The following IKZF2 variants were observed in gnomAD, a reference collection of about 807,000 sequenced individuals.
IKZF2 encodes the protein IKAROS family zinc finger 2, also known as zinc finger protein Helios.
IKZF2 carries 15 observed loss-of-function variants against 49.2 expected under a neutral mutation model. The observed-to-expected ratio is 0.30, with a 90% CI of 0.20 to 0.47. The LOEUF is 0.47. Among genes scored for constraint, IKZF2 ranks in the 20% least tolerant of loss-of-function variants. IKZF2 has a pLI of 1.00. For missense variants in IKZF2, 567 were observed against 664.6 expected (o/e 0.85, Z 1.61); for synonymous variants, 227 against 221.4 (o/e 1.03, Z -0.23).
intron 7 of IKZF2, among the ~76,000 whole-genome samples, chr2:213,019,920 C>G (rs1293079480): frequency 1.3e-5 from 2 of 152,188 alleles, no homozygotes; most frequent in African/African-American, 2.4e-5. Context: ...TCTAAAAGTT[C>G]AATCTGCCAA....
Position 213,124,272 on chromosome 2 carries a change from A to G in IKZF2, c.139+23436T>C, listed in dbSNP as rs1158770708. The stretch of plus-strand genomic sequence containing the variant: ...CGCGCGCACACACACACACACACAC[A>G]CACACACACACACACACACACACAC... On this transcript the variant is annotated intron_variant, in intron 4 of 8. Coordinates refer to ENST00000434687, the MANE Select transcript of IKZF2 (RefSeq NM_001387220.1). Among the ~76,000 whole-genome samples, 1,334 of 144,148 alleles carry G rather than the reference A, an allele frequency of 9.3e-3. 28 individuals are homozygous for G. The highest frequency in any genetic ancestry group is 0.027 in the African/African-American group (992 of 36,134). The allele number at this position is 144,148 out of a possible 152,430, so 94.6% of individuals were successfully genotyped here. A position where few individuals can be genotyped will look rare whatever the true frequency, so the allele number is the denominator to read the frequency against.
intron 4 of IKZF2, among the ~76,000 whole-genome samples, chr2:213,140,930 C>T (rs986683387): frequency 2.6e-5 from 4 of 151,960 alleles, no homozygotes; most frequent in African/African-American, 9.7e-5. Context: ...TATTAGTTTT[C>T]ACTAATTAGG....
intron 4 of IKZF2, among the ~76,000 whole-genome samples, chr2:213,120,835 G>A (rs1308423270): frequency 6.6e-6 from 1 of 152,072 alleles, no homozygotes; most frequent in Non-Finnish European, 1.5e-5. Flanking sequence ...CAACCTCCTG[G>A]GTTCAAGGGA....
chr2:213,105,339 G>C (rs993828512), intron 4 of IKZF2, among the ~76,000 whole-genome samples: 2 of 151,950 alleles, frequency 1.3e-5, no homozygotes, highest in Non-Finnish European at 2.9e-5. Flanking sequence ...GTTCCCAAAA[G>C]TACCTAACCT....
At chr2:213,064,328 C>T (rs987026865) in intron 4 of IKZF2, among the ~76,000 whole-genome samples, 2 of 151,910 alleles carry the variant, frequency 1.3e-5, no homozygotes, top group African/African-American at 2.4e-5. Context: ...AGATAAATCA[C>T]ACCTGTGAGT....
At chr2:213,124,252 G>GCGCGCGCGCGCACGCACA (rs1270409984) in intron 4 of IKZF2, among the ~76,000 whole-genome samples, 1 of 136,236 alleles carries the variant, frequency 7.3e-6, no homozygotes, top group Admixed American at 7.3e-5. Context: ...GCGCGCGCGC[G>GCGCGCGCGCGCACGCACA]CACACACACA....
chr2:213,040,028 T>C (rs1699458274), intron 6 of IKZF2, among the ~76,000 whole-genome samples: 1 of 152,090 alleles, frequency 6.6e-6, no homozygotes. Context: ...AAATTAAGAT[T>C]TTTAATTTTC....
chr2:213,040,277 A>G (rs1249955225), intron 6 of IKZF2, among the ~76,000 whole-genome samples: 1 of 148,498 alleles, frequency 6.7e-6, no homozygotes, highest in Non-Finnish European at 1.5e-5. Context: ...TTATTTTGTC[A>G]TCCAGGTATT....
chr2:213,036,004 T>C (rs1698986722), intron 6 of IKZF2, among the ~76,000 whole-genome samples: 1 of 151,880 alleles, frequency 6.6e-6, no homozygotes, highest in Non-Finnish European at 1.5e-5. Flanking sequence ...CAAGGTATGA[T>C]TTTTTTTGCT....
chr2:213,007,534 C>A lies in IKZF2; in HGVS notation c.1407G>T (p.Arg469Ser). Residue 469 changes from arginine to serine, a missense_variant, in exon 9 of 9, where the codon AGG becomes AGT. This residue lies in a region of IKZF2 where 22 missense variants were observed against 52.3 expected (regional missense o/e 0.42). Transcript: ENST00000434687. ...KVFNGEGEQIRAFKCEHCRVL... is the reference protein window; with the variant it reads ...KVFNGEGEQISAFKCEHCRVL... ...CTCGGCAGTGCTCACACTTGAAGGCCCTAATCTGTTCTCCTTCTCCATTGA... is the reference window on the plus strand; with the variant it reads ...CTCGGCAGTGCTCACACTTGAAGGCACTAATCTGTTCTCCTTCTCCATTGA... 1 of 1,613,682 alleles carries A rather than the reference C, an allele frequency of 6.2e-7. No homozygotes were observed. The highest frequency in any genetic ancestry group is 8.5e-7 in the Non-Finnish European group (1 of 1,179,724).
At chr2:213,038,094 T>A (rs1905170) in intron 6 of IKZF2, among the ~76,000 whole-genome samples, 1 of 151,680 alleles carries the variant, frequency 6.6e-6, no homozygotes, top group Admixed American at 6.6e-5. Flanking sequence ...AGAGTCTCAC[T>A]CTGTCACCCA....
chr2:213,075,625 A>T (rs1460582515), intron 4 of IKZF2, among the ~76,000 whole-genome samples: 1 of 152,122 alleles, frequency 6.6e-6, no homozygotes, highest in Non-Finnish European at 1.5e-5. Context: ...GGTCACACAG[A>T]AGTTTTCTTT....
intron 1 of IKZF2, 31 bp from the exon 2 acceptor site, chr2:213,150,278 G>A: frequency 1.2e-6 from 1 of 857,348 alleles, no homozygotes. Context: ...AAAGAAAGAA[G>A]TTTTTTGTGT....
At chr2:213,147,389 T>C (rs2061112495) in intron 4 of IKZF2, 3 of 535,724 alleles carry the variant, frequency 5.6e-6, no homozygotes, top group Non-Finnish European at 9.9e-6. Context: ...CGTTTCCACA[T>C]TTTTTACCCA....
chr2:213,078,415 A>C (rs531290899), intron 4 of IKZF2, among the ~76,000 whole-genome samples: 1 of 152,222 alleles, frequency 6.6e-6, no homozygotes, highest in Non-Finnish European at 1.5e-5. Context: ...GTTATATTAT[A>C]ATGTAACTCA....
At chr2:213,114,991 G>A (rs117792075) in intron 4 of IKZF2, among the ~76,000 whole-genome samples, 1 of 151,902 alleles carries the variant, frequency 6.6e-6, no homozygotes, top group Non-Finnish European at 1.5e-5. Context: ...GCAAATGCAC[G>A]TTAACCCTTA....
At chr2:213,049,181 A>G (rs773414148) in intron 6 of IKZF2, among the ~76,000 whole-genome samples, 51 of 152,060 alleles carry the variant, frequency 3.4e-4, no homozygotes, top group Admixed American at 4.6e-4. Flanking sequence ...CCCAATGACT[A>G]TTGTTTGAGA....
At chr2:213,147,036 T>C (rs1013085637) in intron 4 of IKZF2, among the ~76,000 whole-genome samples, 1 of 152,142 alleles carries the variant, frequency 6.6e-6, no homozygotes, top group East Asian at 1.9e-4. Flanking sequence ...ACTGACAGCA[T>C]GTAAGTTGCA....
intron 4 of IKZF2, among the ~76,000 whole-genome samples, chr2:213,107,236 C>T (rs2059564925): frequency 6.6e-6 from 1 of 152,204 alleles, no homozygotes; most frequent in Non-Finnish European, 1.5e-5. Flanking sequence ...AAGACCCTTT[C>T]TCATCCCTTG....
Sources: gnomAD v4.1 joint callset for allele counts (sites outside exome capture counted in the v4.1 genomes callset) on GRCh38, gnomAD v4.1.1 for gene constraint, gnomAD v4.1.1 regional missense constraint, MANE v1.5 for transcripts, NCBI Gene and HGNC (gene_info 2026-07-23, HGNC 2026-07-21) for gene names.